Variants in PRKCE observed in about 807,000 individuals in gnomAD.
PRKCE encodes protein kinase C epsilon type.
A neutral mutation model predicts 85.4 loss-of-function variants in PRKCE; 16 were observed. The observed-to-expected ratio is 0.19, with a 90% confidence interval of 0.13 to 0.28. The LOEUF (loss-of-function observed/expected upper bound fraction) is 0.28. Among genes scored for constraint, PRKCE ranks in the 10% least tolerant of loss-of-function variants. The pLI is 1.00. For synonymous variants in PRKCE, 388 were observed against 371.5 expected, an observed-to-expected ratio of 1.04 and a Z score of -0.51; for missense variants, 573 against 975.2, an observed-to-expected ratio of 0.59 and a Z score of 5.49.
rs556209027 is a variant in PRKCE at position 45,666,210 on chromosome 2, G to C, written c.348+13762G>C. Reference sequence around the variant, plus strand: ...TATCCCATTTAAGCTCCAGGTGCCTGAGTACTAATTCATGGAGACAGCTAT... The same window carrying C: ...TATCCCATTTAAGCTCCAGGTGCCTCAGTACTAATTCATGGAGACAGCTAT... On this transcript the variant is annotated intron_variant, in intron 1 of 14. Transcript: ENST00000306156. Among the ~76,000 whole-genome samples, 45 of 152,274 alleles carry C rather than the reference G, an allele frequency of 3.0e-4. 1 individual carries two copies. The highest frequency in any genetic ancestry group is 3.4e-4 in the Non-Finnish European group (23 of 68,026).
intron 11 of PRKCE, among the ~76,000 whole-genome samples, chr2:46,124,588 C>T (rs1332816586): frequency 6.6e-6 from 1 of 152,174 alleles, no homozygotes; most frequent in East Asian, 1.9e-4. Context: ...GAGACCCCCT[C>T]CTTCTGTTAA....
intron 1 of PRKCE, among the ~76,000 whole-genome samples, chr2:45,684,441 C>G (rs1411691630): frequency 6.6e-6 from 1 of 152,198 alleles, no homozygotes; most frequent in African/African-American, 2.4e-5. Context: ...GACCTAGACT[C>G]TCTATAGGAA....
At chr2:45,974,256 G>A (rs1273882149) in intron 2 of PRKCE, among the ~76,000 whole-genome samples, 4 of 152,266 alleles carry the variant, frequency 2.6e-5, no homozygotes, top group Admixed American at 2.0e-4. Flanking sequence ...TTCTGCAGCT[G>A]TGTGTGTTGC....
At chr2:46,143,068 C>G (rs1487969576) in intron 11 of PRKCE, among the ~76,000 whole-genome samples, 1 of 152,128 alleles carries the variant, frequency 6.6e-6, no homozygotes, top group Non-Finnish European at 1.5e-5. Context: ...GCAGATCCAC[C>G]AAGCCTTCAC....
chr2:45,773,675 G>A (rs560344739), intron 1 of PRKCE, among the ~76,000 whole-genome samples: 25 of 152,200 alleles, frequency 1.6e-4, no homozygotes, highest in African/African-American at 5.5e-4. Context: ...GTGTCCCCAA[G>A]TAGGCCTTGG....
At chr2:45,732,132 G>C (rs56028704) in intron 1 of PRKCE, among the ~76,000 whole-genome samples, 6 of 152,174 alleles carry the variant, frequency 3.9e-5, no homozygotes, top group African/African-American at 1.4e-4. Context: ...CAGTATAAAT[G>C]AAATTTATGA....
chr2:45,876,983 G>A (rs1694525803), intron 2 of PRKCE, among the ~76,000 whole-genome samples: 1 of 151,982 alleles, frequency 6.6e-6, no homozygotes, highest in Admixed American at 6.6e-5. Flanking sequence ...TGACTACTTT[G>A]GAAATTACCA....
intron 1 of PRKCE, among the ~76,000 whole-genome samples, chr2:45,735,865 A>G (rs1366200193): frequency 6.6e-6 from 1 of 152,230 alleles, no homozygotes; most frequent in East Asian, 1.9e-4. Flanking sequence ...TTGTGGAGAA[A>G]GGAAATTAAT....
chr2:45,919,667 G>A (rs898749329), intron 2 of PRKCE, among the ~76,000 whole-genome samples: 3 of 152,230 alleles, frequency 2.0e-5, no homozygotes, highest in Non-Finnish European at 1.5e-5. Context: ...ACAGATCGTG[G>A]ATCATTGTCA....
chr2:46,141,530 T>A (rs1675529833), intron 11 of PRKCE, among the ~76,000 whole-genome samples: 1 of 152,088 alleles, frequency 6.6e-6, no homozygotes, highest in African/African-American at 2.4e-5. Flanking sequence ...GAGGGAGAAT[T>A]TTTACTGCAT....
intron 1 of PRKCE, among the ~76,000 whole-genome samples, chr2:45,826,626 A>G (rs1478587131): frequency 2.0e-5 from 3 of 152,068 alleles, no homozygotes; most frequent in Non-Finnish European, 2.9e-5. Flanking sequence ...AGATCTGTAG[A>G]TGCAGCTGTC....
At chr2:45,694,554 T>C (rs1177067384) in intron 1 of PRKCE, among the ~76,000 whole-genome samples, 3 of 152,188 alleles carry the variant, frequency 2.0e-5, no homozygotes, top group African/African-American at 7.2e-5. Flanking sequence ...CCTATGCTAG[T>C]GGGCAAGACA....
intron 2 of PRKCE, among the ~76,000 whole-genome samples, chr2:45,927,039 G>A (rs1698674137): frequency 6.6e-6 from 1 of 152,204 alleles, no homozygotes; most frequent in African/African-American, 2.4e-5. Context: ...GTGTGCATGG[G>A]ACACAGGATG....
Position 46,155,223 on chromosome 2 carries a change from T to C in PRKCE, c.1920+3994T>C, listed in dbSNP as rs1278048267. ...TATGTAAAAATCTCGAAACATTAAA[T>C]GATTATAACTAGTTCAATTAAATGA... On this transcript the variant is annotated intron_variant, in intron 13 of 14. Transcript: ENST00000306156. The surrounding 1 kb of genome is among the most constrained non-coding windows in gnomAD (Gnocchi z 4.7). Among the ~76,000 whole-genome samples the C allele has an allele frequency of 6.6e-6, 1 of 152,138 alleles. No individual in the cohort carries two copies. Among genetic ancestry groups the C allele is most frequent in the Non-Finnish European group, 1.5e-5 (1 of 68,026 alleles).
chr2:45,969,836 T>A (rs1701991969), intron 2 of PRKCE, among the ~76,000 whole-genome samples: 1 of 152,226 alleles, frequency 6.6e-6, no homozygotes, highest in Non-Finnish European at 1.5e-5. Flanking sequence ...TGGGGTGTAT[T>A]ATTGTTCATT....
chr2:45,882,549 A>G (rs576551442), intron 2 of PRKCE, among the ~76,000 whole-genome samples: 1 of 152,250 alleles, frequency 6.6e-6, no homozygotes, highest in Admixed American at 6.5e-5. Context: ...TGTTTGGAAA[A>G]TCATCACTGC....
intron 2 of PRKCE, among the ~76,000 whole-genome samples, chr2:45,948,738 A>G (rs561864472): frequency 2.0e-5 from 3 of 152,188 alleles, no homozygotes; most frequent in Non-Finnish European, 4.4e-5. Flanking sequence ...CTGTCTGCCC[A>G]GAGATAACCC....
At chr2:45,879,488 T>C (rs1673158795) in intron 2 of PRKCE, among the ~76,000 whole-genome samples, 1 of 152,244 alleles carries the variant, frequency 6.6e-6, no homozygotes, top group Non-Finnish European at 1.5e-5. Flanking sequence ...TCCACTGAGC[T>C]ATTAAACACT....
At chr2:46,035,177 G>A (rs749555662) in intron 10 of PRKCE, among the ~76,000 whole-genome samples, 12 of 152,144 alleles carry the variant, frequency 7.9e-5, no homozygotes, top group South Asian at 2.1e-4. Flanking sequence ...AGCTTCCATC[G>A]TCCAGGTGTC....
Sources: allele counts gnomAD v4.1 joint callset (sites outside exome capture counted in the v4.1 genomes callset), GRCh38; gene constraint gnomAD v4.1.1; non-coding constraint Gnocchi (gnomAD v3.1); transcripts MANE v1.5; gene names NCBI Gene and HGNC (gene_info 2026-07-23, HGNC 2026-07-21).